CSMD2: variants seen among roughly 807,000 people sequenced by gnomAD.
The protein encoded by CSMD2 is CUB and Sushi multiple domains 2.
Under a neutral mutation model 398.5 loss-of-function variants are expected in CSMD2, and 130 were observed. The observed-to-expected ratio is 0.33, with a 90% CI of 0.28 to 0.38. The LOEUF is 0.38. CSMD2 is among the 10% of genes least tolerant of loss of function. The pLI is 1.00. For missense variants in CSMD2, 3,829 were observed against 4,764.9 expected, an observed-to-expected ratio of 0.80 and a Z score of 5.78; for synonymous variants, 1,828 against 1,908.5, an observed-to-expected ratio of 0.96 and a Z score of 1.10.
rs1491512618 is a variant in CSMD2, at chr1:33,514,279, CCT to C, written c.*2343_*2344del. The C allele has an allele frequency of 4.0e-5, 4 of 100,806 alleles. No homozygotes were observed. The highest frequency in any genetic ancestry group is 7.9e-4 in the East Asian group (2 of 2,530). 6.2% of individuals were successfully genotyped at this position (100,806 alleles called of 1,614,324 possible). On this transcript the variant is annotated 3_prime_UTR_variant, in exon 71 of 71. Coordinates refer to ENST00000373381, the MANE Select transcript of CSMD2 (RefSeq NM_001281956.2). ...TACAATAATGAAAAAAAAATTTACA[CCT>C]TTTTTTTTTTCTTTTTTGGTACTGT...
At chr1:33,580,703 G>A (rs1292704144) in intron 48 of CSMD2, 50 bp downstream of exon 48, 4 of 1,604,946 alleles carry the variant, frequency 2.5e-6, no homozygotes, top group Admixed American at 1.7e-5. Context: ...AGGAGCTTGA[G>A]GCTTCGATGA....
intron 60 of CSMD2, among the ~76,000 whole-genome samples, chr1:33,540,198 T>C (rs1378371207): frequency 6.6e-6 from 1 of 152,028 alleles, no homozygotes; most frequent in Non-Finnish European, 1.5e-5. Flanking sequence ...AAAACAGACA[T>C]GTATATAGCA....
At chr1:33,787,148 C>A in intron 12 of CSMD2, among the ~76,000 whole-genome samples, 1 of 152,188 alleles carries the variant, frequency 6.6e-6, no homozygotes, top group East Asian at 1.9e-4. Flanking sequence ...GGACTCACAG[C>A]CACCACCAGA....
intron 1 of CSMD2, among the ~76,000 whole-genome samples, chr1:34,132,009 C>T (rs979756198): frequency 2.6e-5 from 4 of 152,238 alleles, no homozygotes; most frequent in Admixed American, 6.5e-5. Flanking sequence ...ACAAATTCCC[C>T]CAAGTATGGG....
chr1:33,713,921 C>A (rs1646073240), intron 21 of CSMD2, among the ~76,000 whole-genome samples: 1 of 152,192 alleles, frequency 6.6e-6, no homozygotes, highest in Non-Finnish European at 1.5e-5. Context: ...CCTGACACAT[C>A]ACATATCTAA....
At chr1:33,963,116 G>C (rs1402734793) in intron 3 of CSMD2, among the ~76,000 whole-genome samples, 1 of 152,166 alleles carries the variant, frequency 6.6e-6, no homozygotes, top group African/African-American at 2.4e-5. Flanking sequence ...CCTCACCCTG[G>C]ATCCAACAAC....
At chr1:33,840,348 C>T (rs1325029869) in intron 6 of CSMD2, among the ~76,000 whole-genome samples, 1 of 152,214 alleles carries the variant, frequency 6.6e-6, no homozygotes, top group African/African-American at 2.4e-5. Context: ...CTCTGCCTGG[C>T]TACCTCTTAT....
At chr1:33,574,678 A>G (rs961403981) in intron 49 of CSMD2, among the ~76,000 whole-genome samples, 4 of 152,168 alleles carry the variant, frequency 2.6e-5, no homozygotes, top group African/African-American at 9.7e-5. Context: ...GTTCAGAGGG[A>G]GAGAAGTTGG....
chr1:33,606,198 G>C (rs991937924), intron 41 of CSMD2, among the ~76,000 whole-genome samples: 10 of 152,136 alleles, frequency 6.6e-5, no homozygotes, highest in Non-Finnish European at 1.3e-4. Flanking sequence ...TTGATGAATT[G>C]GGTCCACAGG....
intron 9 of CSMD2, among the ~76,000 whole-genome samples, 157 bp downstream of exon 9, chr1:33,819,556 T>A (rs1189434076): frequency 6.6e-6 from 1 of 152,144 alleles, no homozygotes; most frequent in African/African-American, 2.4e-5. Context: ...GAGAAAGGGC[T>A]GGATAAGTAT....
chr1:33,589,691 A>G (rs894140316), intron 44 of CSMD2, among the ~76,000 whole-genome samples: 2 of 152,206 alleles, frequency 1.3e-5, no homozygotes, highest in African/African-American at 2.4e-5. Context: ...ATACTGTACC[A>G]TCCACATCCA....
intron 51 of CSMD2, among the ~76,000 whole-genome samples, chr1:33,570,949 G>A (rs1286849294): frequency 6.6e-6 from 1 of 152,094 alleles, no homozygotes; most frequent in Non-Finnish European, 1.5e-5. Flanking sequence ...CCTTCTGTAG[G>A]TGGTGTTCTC....
intron 10 of CSMD2, among the ~76,000 whole-genome samples, chr1:33,793,805 T>G (rs1654626310): frequency 6.6e-6 from 1 of 152,068 alleles, no homozygotes; most frequent in South Asian, 2.1e-4. Flanking sequence ...TGAGACAGGA[T>G]GCATGTGGTG....
Position 33,890,577 on chromosome 1 carries a change from C to T in CSMD2, c.920+27517G>A, listed in dbSNP as rs556655609. Among the ~76,000 whole-genome samples, 316 of 151,776 alleles carry T rather than the reference C, an allele frequency of 2.1e-3. 2 individuals are homozygous for T. The highest frequency in any genetic ancestry group is 7.1e-3 in the African/African-American group (295 of 41,362). On this transcript the variant is annotated intron_variant, in intron 5 of 70. Transcript: ENST00000373381. ...TTTTTGTGGGCTCTTTTTTTCAGCC[C>T]GCATCGCCAAGTCAATCCTAAGCCA... is the stretch of plus-strand genomic sequence containing the variant.
At chr1:33,966,088 C>T (rs1645546844) in intron 3 of CSMD2, among the ~76,000 whole-genome samples, 1 of 152,158 alleles carries the variant, frequency 6.6e-6, no homozygotes, top group Non-Finnish European at 1.5e-5. Flanking sequence ...GATCACTTCC[C>T]GTAAGAAATG....
At chr1:33,613,114 G>A (rs1465902028) in intron 40 of CSMD2, among the ~76,000 whole-genome samples, 1 of 152,202 alleles carries the variant, frequency 6.6e-6, no homozygotes, top group African/African-American at 2.4e-5. Context: ...GCTGAGACCA[G>A]GTACCAAGTT....
intron 7 of CSMD2, among the ~76,000 whole-genome samples, chr1:33,820,829 C>T (rs1203413835): frequency 6.6e-6 from 1 of 151,638 alleles, no homozygotes; most frequent in African/African-American, 2.4e-5. Context: ...TGCCAACCAC[C>T]ACCTGCTTCC....
rs760122189 is a variant in CSMD2 at position 33,542,898 on chromosome 1, T to TA, written c.9101-3dup. The TA allele has an allele frequency of 2.0e-5, 32 of 1,613,478 alleles. No homozygotes were observed. Among genetic ancestry groups the TA allele is most frequent in the African/African-American group, 9.3e-5 (7 of 74,902 alleles). ...TCCCAGGGTTCCCACAAGAGATCAC[T>TA]AGGAAGACAAAAATACACATTATTC... is the stretch of plus-strand genomic sequence containing the variant. On this transcript the variant is annotated splice_region_variant and splice_polypyrimidine_tract_variant and intron_variant, in intron 57 of 70. Transcript: ENST00000373381.
intron 5 of CSMD2, chr1:33,863,118 C>T (rs1300361941): frequency 3.3e-5 from 5 of 152,152 alleles, no homozygotes; most frequent in African/African-American, 1.2e-4. Context: ...GTTAATGAAA[C>T]TCAGTTTTCT....
Sources: allele counts gnomAD v4.1 joint callset (sites outside exome capture counted in the v4.1 genomes callset), GRCh38; gene constraint gnomAD v4.1.1; transcripts MANE v1.5; gene names NCBI Gene and HGNC (gene_info 2026-07-23, HGNC 2026-07-21).